Variants in ANO5 observed in about 807,000 individuals in gnomAD.
ANO5 encodes anoctamin-5.
In ANO5, 109 loss-of-function variants were observed where a neutral mutation model predicts 121.0. The ratio of observed to expected loss-of-function variants is 0.90; its 90% CI spans 0.77 to 1.06. The LOEUF is 1.06. ANO5 is among the 50% of genes least tolerant of loss of function. The probability of loss-of-function intolerance (pLI) is 0.00; values close to 1 mark genes in which losing one functional copy is unlikely to be tolerated. For synonymous variants in ANO5, 406 were observed against 359.9 expected, an observed-to-expected ratio of 1.13 and a Z score of -1.45; for missense variants, 1,064 against 1,078.5, an observed-to-expected ratio of 0.99 and a Z score of 0.19.
intron 9 of ANO5, among the ~76,000 whole-genome samples, chr11:22,245,590 G>A (rs1853588740): frequency 6.6e-6 from 1 of 151,858 alleles, no homozygotes; most frequent in African/African-American, 2.4e-5. Flanking sequence ...TGTTATTTGG[G>A]GAGAATTATC....
chr11:22,240,130 G>C (rs375860928), intron 9 of ANO5, among the ~76,000 whole-genome samples: 6 of 151,704 alleles, frequency 4.0e-5, no homozygotes, highest in Non-Finnish European at 8.8e-5. Context: ...GTTTCTCTTG[G>C]AGTCCAGAAA....
At position 22,211,282 on chromosome 11, in the gene ANO5, G is replaced by A. The variant is rs1183528293; in HGVS notation, c.106G>A (p.Glu36Lys). The A allele has an allele frequency of 6.2e-7, 1 of 1,612,194 alleles. No individual in the cohort carries two copies. The highest frequency in any genetic ancestry group is 8.5e-7 in the Non-Finnish European group (1 of 1,178,680). The change falls in exon 3 of 22, where the codon GAG becomes AAG. Residue 36 changes from glutamate (E) to lysine (K), a missense_variant. Glu to Lys is a moderately conservative substitution (Grantham distance 56). Coordinates refer to ENST00000324559, the MANE Select transcript of ANO5 (RefSeq NM_213599.3). ...CTGTTAGCAGAGCCTGAGCAGCAGA[G>A]AGACCAGCTTTCTCATCAATGAAGA... Reference protein sequence around the residue: ...QMSEQSLSSRETSFLINEETM... With the variant: ...QMSEQSLSSRKTSFLINEETM...
At chr11:22,254,792 G>A (rs536006454) in intron 12 of ANO5, among the ~76,000 whole-genome samples, 2 of 152,090 alleles carry the variant, frequency 1.3e-5, no homozygotes, top group African/African-American at 4.8e-5. Context: ...CCAGCACTTT[G>A]GGGGGCTGAG....
chr11:22,270,382 C>T lies in ANO5; in HGVS notation c.1969C>T (p.Gln657Ter). 6.2e-7 allele frequency: 1 copy of T among 1,614,140 alleles called. No homozygotes were observed. The highest frequency in any genetic ancestry group is 8.5e-7 in the Non-Finnish European group (1 of 1,179,998). Reference sequence around the variant, plus strand: ...TGAGAAGCTGTATAGTCGATGGGAGCAGGATCATGACCTTGAAAGTTTTGG... The same window carrying T: ...TGAGAAGCTGTATAGTCGATGGGAGTAGGATCATGACCTTGAAAGTTTTGG... Reference protein sequence around the residue: ...NSEKLYSRWEQDHDLESFGPL... With the variant: ...NSEKLYSRWE The change falls in exon 18 of 22, where the codon CAG (glutamine) becomes TAG (stop). Residue 657 changes from glutamine (Q) to a stop codon, truncating the protein, a stop_gained. Coordinates refer to ENST00000324559, the MANE Select transcript of ANO5 (RefSeq NM_213599.3). LOFTEE classifies it high-confidence loss of function.
intron 4 of ANO5, 110 bp downstream of exon 4, chr11:22,218,397 T>A (rs1317468186): frequency 7.2e-7 from 1 of 1,396,356 alleles, no homozygotes; most frequent in African/African-American, 1.4e-5. Context: ...TGTCACTAAT[T>A]CCTAGTCCCC....
At chr11:22,193,638 G>T in intron 1 of ANO5, 106 bp downstream of exon 1, 1 of 1,388,912 alleles carries the variant, frequency 7.2e-7, no homozygotes, top group Non-Finnish European at 9.9e-7. Flanking sequence ...TGCGGCCTGA[G>T]TCCTAGGGAG....
At chr11:22,269,408 AAAAG>A (rs1324309296) in intron 17 of ANO5, among the ~76,000 whole-genome samples, 3 of 148,484 alleles carry the variant, frequency 2.0e-5, no homozygotes, top group Non-Finnish European at 4.5e-5. Flanking sequence ...GAAGGAGAAA[AAAAG>A]AGAAGGAAAA....
At chr11:22,203,181 A>G (rs1852014153) in intron 1 of ANO5, among the ~76,000 whole-genome samples, 1 of 152,190 alleles carries the variant, frequency 6.6e-6, no homozygotes, top group Non-Finnish European at 1.5e-5. Flanking sequence ...AAAAATATAT[A>G]GGAAGTTTTT....
chr11:22,279,923 C>T lies in ANO5; in HGVS notation c.*158C>T. ...AAGTTTTTATACACTTTTATAGAGG[C>T]CAACTTTGTGATGTTGGAAATGTAC... On this transcript the variant is annotated 3_prime_UTR_variant, in exon 22 of 22. Coordinates refer to ENST00000324559, the MANE Select transcript of ANO5 (RefSeq NM_213599.3). The T allele has an allele frequency of 1.5e-6, 1 of 649,022 alleles. No individual in the cohort carries two copies. Among genetic ancestry groups the T allele is most frequent in the South Asian group, 2.0e-5 (1 of 50,062 alleles). The allele number at this position is 649,022 out of a possible 1,614,324, so 40.2% of individuals were successfully genotyped here.
rs1590304950 is a variant in ANO5, at chr11:22,262,142, A to G, written c.1644A>G (p.Thr548=). Residue 548 remains threonine (T), a synonymous_variant, in exon 16 of 22, where the codon ACA becomes ACG. Transcript: ENST00000324559. The part of the protein sequence containing the change: ...AWITKMEIPR[T]YQEYESSLTL... Reference sequence around the variant, plus strand: ...TTAACTTAACAGAAATTCCTCGAACATACCAGGAGTATGAGAGCAGTCTTA... The same window carrying G: ...TTAACTTAACAGAAATTCCTCGAACGTACCAGGAGTATGAGAGCAGTCTTA... 1.2e-6 allele frequency: 2 copies of G among 1,613,690 alleles called. No individual in the cohort carries two copies. Among genetic ancestry groups the G allele is most frequent in the East Asian group, 2.2e-5 (1 of 44,842 alleles).
chr11:22,193,467 C>G lies in ANO5; in HGVS notation c.-26C>G, dbSNP rs1459926893. The G allele has an allele frequency of 1.2e-6, 2 of 1,608,904 alleles. No homozygotes were observed. On this transcript the variant is annotated 5_prime_UTR_variant, in exon 1 of 22. Coordinates refer to ENST00000324559, the MANE Select transcript of ANO5 (RefSeq NM_213599.3). ...CCCCTCTCCTGCTGCCTCTCAGGCACCAGTGCCATTAACGAGCTGGCGAAG... is the reference window on the plus strand; with the variant it reads ...CCCCTCTCCTGCTGCCTCTCAGGCAGCAGTGCCATTAACGAGCTGGCGAAG...
Position 22,221,175 on chromosome 11 carries a change from G to A in ANO5, c.259G>A (p.Val87Ile), listed in dbSNP as rs34994927. The change falls in exon 5 of 22, where the codon GTT becomes ATT. Residue 87 changes from valine (V) to isoleucine (I), a missense_variant. By Grantham distance (29) the Val-to-Ile change is conservative (BLOSUM62 3). Coordinates refer to ENST00000324559, the MANE Select transcript of ANO5 (RefSeq NM_213599.3). Reference protein sequence around the residue: ...IRQIDFVLSYVDDVKKDAELK... With the variant: ...IRQIDFVLSYIDDVKKDAELK... ...GCAAATTGATTTTGTGCTTTCCTACGTTGATGATGTAAAGAAAGACGCAGA... is the reference window on the plus strand; with the variant it reads ...GCAAATTGATTTTGTGCTTTCCTACATTGATGATGTAAAGAAAGACGCAGA... The A allele has an allele frequency of 6.9e-4, 1,113 of 1,611,662 alleles. 6 individuals carry two copies. The African/African-American group carries it at 0.011, about 15-fold the overall frequency.
In ANO5 at chr11:22,262,280, T is replaced by A. The variant is rs1419278156; in HGVS notation, c.1782T>A (p.Asn594Lys). The A allele has an allele frequency of 2.5e-6, 4 of 1,613,762 alleles. No homozygotes were observed. The highest frequency in any genetic ancestry group is 3.4e-6 in the Non-Finnish European group (4 of 1,179,890). Residue 594 changes from asparagine to lysine, a missense_variant, in exon 16 of 22, where the codon AAT (asparagine) becomes AAA (lysine). Asn to Lys is a moderately conservative substitution (Grantham distance 94). Coordinates refer to ENST00000324559, the MANE Select transcript of ANO5 (RefSeq NM_213599.3). Reference sequence around the variant, plus strand: ...CTGGAAAATACACATATTTATTTAATGAGTGGAGAAGTGAAGAGGTAAGAA... The same window carrying A: ...CTGGAAAATACACATATTTATTTAAAGAGTGGAGAAGTGAAGAGGTAAGAA... The part of the protein sequence containing the change: ...GYPGKYTYLF[N>K]EWRSEECDPG...
At chr11:22,260,456 A>G (rs536722025) in intron 15 of ANO5, among the ~76,000 whole-genome samples, 3 of 152,328 alleles carry the variant, frequency 2.0e-5, no homozygotes, top group African/African-American at 7.2e-5. Flanking sequence ...GACGTCAAGC[A>G]AAAGACCACA....
chr11:22,239,738 T>TAAAAA, intron 9 of ANO5, 54 bp downstream of exon 9: 1 of 1,346,254 alleles, frequency 7.4e-7, no homozygotes, highest in Non-Finnish European at 1.1e-6. Flanking sequence ...GTGATTTTTA[T>TAAAAA]TCACAATGGC....
chr11:22,260,272 G>A (rs1258662754), intron 15 of ANO5, among the ~76,000 whole-genome samples: 21 of 152,154 alleles, frequency 1.4e-4, no homozygotes, highest in Admixed American at 1.4e-3. Context: ...GGGGTCACAG[G>A]TTAAGTGAGA....
Position 22,274,692 on chromosome 11 carries a change from G to T in ANO5, c.2359G>T (p.Ala787Ser). Reference sequence around the variant, plus strand: ...TAATAGCCTGTCAGTATTCCTGATAGCTGATTTTCCAAACCACACTGCACC... The same window carrying T: ...TAATAGCCTGTCAGTATTCCTGATATCTGATTTTCCAAACCACACTGCACC... The part of the protein sequence containing the change: ...VNNSLSVFLI[A>S]DFPNHTAPSE... Residue 787 changes from alanine (A) to serine (S), a missense_variant, in exon 20 of 22, where the codon GCT becomes TCT. Coordinates refer to ENST00000324559, the MANE Select transcript of ANO5 (RefSeq NM_213599.3). 6.2e-7 allele frequency: 1 copy of T among 1,613,544 alleles called. No homozygotes were observed. Among genetic ancestry groups the T allele is most frequent in the Non-Finnish European group, 8.5e-7 (1 of 1,179,656 alleles).
intron 6 of ANO5, among the ~76,000 whole-genome samples, chr11:22,226,458 A>T (rs1317282508): frequency 1.2e-4 from 19 of 152,070 alleles, no homozygotes; most frequent in Admixed American, 1.2e-3. Flanking sequence ...AAGTCATTTT[A>T]TTTACTGTTT....
intron 16 of ANO5, 38 bp from the exon 17 acceptor site, chr11:22,262,908 C>T (rs1196080385): frequency 2.0e-6 from 3 of 1,472,630 alleles, no homozygotes; most frequent in Admixed American, 1.7e-5. Flanking sequence ...CATCTTTGAT[C>T]ATTCAATTCT....
Sources: gnomAD v4.1 joint callset for allele counts (sites outside exome capture counted in the v4.1 genomes callset) on GRCh38, gnomAD v4.1.1 for gene constraint, MANE v1.5 for transcripts, NCBI Gene and HGNC (gene_info 2026-07-23, HGNC 2026-07-21) for gene names.